Variants in LRP1B observed in about 807,000 individuals in gnomAD.
The protein encoded by LRP1B is low-density lipoprotein receptor-related protein 1B.
Under a neutral mutation model 556.6 loss-of-function variants are expected in LRP1B, and 217 were observed. The ratio of observed to expected loss-of-function variants is 0.39; its 90% CI spans 0.35 to 0.44. The LOEUF (loss-of-function observed/expected upper bound fraction) is 0.44. Ranked by LOEUF, LRP1B falls within the 20% of genes least tolerant of loss-of-function variation. The pLI, the probability that LRP1B is intolerant of heterozygous loss-of-function variation, is 1.00. For synonymous variants in LRP1B, 2,047 were observed against 1,865.8 expected (o/e 1.10, Z -2.50); for missense variants, 5,053 against 5,620.8 (o/e 0.90, Z 3.23).
At chr2:141,632,958 C>T (rs1420964514) in intron 2 of LRP1B, among the ~76,000 whole-genome samples, 1 of 151,230 alleles carries the variant, frequency 6.6e-6, no homozygotes, top group Non-Finnish European at 1.5e-5. Flanking sequence ...ATAGCCTAAA[C>T]TATTAACTTC....
chr2:140,236,378 ATAAC>A (rs1022667625), intron 89 of LRP1B, among the ~76,000 whole-genome samples: 2 of 151,000 alleles, frequency 1.3e-5, no homozygotes, highest in African/African-American at 2.4e-5. Context: ...AGAAAAATAA[ATAAC>A]TATTCAATAA....
chr2:141,438,046 G>A (rs890322935), intron 3 of LRP1B, among the ~76,000 whole-genome samples: 3 of 152,010 alleles, frequency 2.0e-5, no homozygotes, highest in African/African-American at 7.2e-5. Flanking sequence ...TGGAAGTGAG[G>A]CATCTAAATT....
At chr2:141,997,801 A>G (rs1702543031) in intron 1 of LRP1B, among the ~76,000 whole-genome samples, 1 of 151,986 alleles carries the variant, frequency 6.6e-6, no homozygotes, top group African/African-American at 2.4e-5. Flanking sequence ...CCTGTGCTGC[A>G]TAAGGGACCT....
At chr2:141,541,252 G>A (rs928483247) in intron 2 of LRP1B, among the ~76,000 whole-genome samples, 1 of 152,004 alleles carries the variant, frequency 6.6e-6, no homozygotes, top group African/African-American at 2.4e-5. Context: ...TCAAGAAAGT[G>A]GACTCTGCCA....
intron 66 of LRP1B, among the ~76,000 whole-genome samples, chr2:140,424,613 G>A (rs531664937): frequency 3.3e-5 from 5 of 152,332 alleles, no homozygotes; most frequent in African/African-American, 9.6e-5. Context: ...GTTGCAGGGA[G>A]TGGAATTCCC....
intron 7 of LRP1B, among the ~76,000 whole-genome samples, chr2:141,169,438 G>A (rs1012793833): frequency 5.1e-4 from 78 of 151,902 alleles, no homozygotes; most frequent in African/African-American, 1.8e-3. Context: ...ATTACTAGAG[G>A]TGTCCCAAAA....
At chr2:140,542,069 T>A in intron 43 of LRP1B, 98 bp from the exon 44 acceptor site, 1 of 718,574 alleles carries the variant, frequency 1.4e-6, no homozygotes, top group Non-Finnish European at 2.1e-6. Context: ...TAGGATTAGT[T>A]GGATTTAATT....
chr2:141,710,467 C>T (rs767671117), intron 2 of LRP1B, among the ~76,000 whole-genome samples: 27 of 152,104 alleles, frequency 1.8e-4, no homozygotes, highest in Non-Finnish European at 2.8e-4. Context: ...CAGTAAATTA[C>T]AGAATTTCAG....
intron 1 of LRP1B, among the ~76,000 whole-genome samples, chr2:142,124,881 C>T (rs1707581943): frequency 6.8e-6 from 1 of 146,222 alleles, no homozygotes. Flanking sequence ...TCCTGCAAGA[C>T]CAGTCTTACT....
chr2:140,626,549 A>C (rs1482069974), intron 41 of LRP1B, among the ~76,000 whole-genome samples: 1 of 152,162 alleles, frequency 6.6e-6, no homozygotes, highest in Admixed American at 6.6e-5. Context: ...ATCTAGTAAC[A>C]ATAAATAAAA....
chr2:141,788,635 A>G (rs570779111), intron 2 of LRP1B, among the ~76,000 whole-genome samples: 1 of 151,840 alleles, frequency 6.6e-6, no homozygotes, highest in East Asian at 1.9e-4. Flanking sequence ...GCACCTGTTA[A>G]CTCATCATTT....
At chr2:140,245,590 G>A (rs1246336751) in intron 87 of LRP1B, among the ~76,000 whole-genome samples, 1 of 151,168 alleles carries the variant, frequency 6.6e-6, no homozygotes, top group East Asian at 1.9e-4. Context: ...AACTTCAAAT[G>A]CATTTTTTTA....
chr2:141,140,175 C>T (rs1487272318), intron 7 of LRP1B, among the ~76,000 whole-genome samples: 2 of 151,870 alleles, frequency 1.3e-5, no homozygotes, highest in Non-Finnish European at 2.9e-5. Context: ...TCACTTCTTT[C>T]TTAAGGGGGA....
At chr2:141,114,836 G>GCATA (rs1700846197) in intron 7 of LRP1B, among the ~76,000 whole-genome samples, 1 of 151,506 alleles carries the variant, frequency 6.6e-6, no homozygotes, top group Non-Finnish European at 1.5e-5. Context: ...GTCCATATGT[G>GCATA]CACATACACA....
chr2:140,429,571 G>T (rs1161943673), intron 66 of LRP1B, among the ~76,000 whole-genome samples: 1 of 152,004 alleles, frequency 6.6e-6, no homozygotes, highest in Non-Finnish European at 1.5e-5. Context: ...ACCTATCTCG[G>T]CATAATTCTC....
chr2:141,600,720 C>T (rs978794399), intron 2 of LRP1B, among the ~76,000 whole-genome samples: 1 of 152,040 alleles, frequency 6.6e-6, no homozygotes, highest in Admixed American at 6.6e-5. Flanking sequence ...GATTCTTTTC[C>T]TCATGGATTC....
At chr2:140,722,964 A>G (rs1177566944) in intron 35 of LRP1B, among the ~76,000 whole-genome samples, 2 of 152,080 alleles carry the variant, frequency 1.3e-5, no homozygotes, top group Non-Finnish European at 2.9e-5. Context: ...AATGGTGTAA[A>G]CCCGGGAGGC....
At chr2:141,153,240 T>C in intron 7 of LRP1B, among the ~76,000 whole-genome samples, 1 of 127,270 alleles carries the variant, frequency 7.9e-6, no homozygotes, top group East Asian at 2.3e-4. Flanking sequence ...ATATATAATT[T>C]GTATATATAA....
At chr2:140,966,497 T>G (rs1696226944) in intron 18 of LRP1B, among the ~76,000 whole-genome samples, 1 of 152,184 alleles carries the variant, frequency 6.6e-6, no homozygotes, top group African/African-American at 2.4e-5. Context: ...ATTCTGTAGG[T>G]TGCCTGTTCA....
Sources: gnomAD v4.1 joint callset for allele counts (sites outside exome capture counted in the v4.1 genomes callset) on GRCh38, gnomAD v4.1.1 for gene constraint, MANE v1.5 for transcripts, NCBI Gene and HGNC (gene_info 2026-07-23, HGNC 2026-07-21) for gene names.